The following SOX5 variants were observed in gnomAD, a reference collection of about 807,000 sequenced individuals.
SOX5 encodes transcription factor SOX-5.
SOX5 carries 9 observed loss-of-function variants against 92.0 expected under a neutral mutation model. The observed-to-expected ratio is 0.10, with a 90% CI of 0.06 to 0.17. The LOEUF (loss-of-function observed/expected upper bound fraction) is 0.17. Ranked by LOEUF, SOX5 falls within the 10% of genes least tolerant of loss-of-function variation. The pLI is 1.00. For synonymous variants in SOX5, 344 were observed against 336.3 expected, an observed-to-expected ratio of 1.02 and a Z score of -0.25; for missense variants, 642 against 944.5, an observed-to-expected ratio of 0.68 and a Z score of 4.20.
intron 14 of SOX5, 127 bp from the exon 15 acceptor site, chr12:23,534,649 C>T (rs1423167077): frequency 4.6e-6 from 3 of 650,800 alleles, no homozygotes; most frequent in South Asian, 2.1e-5. Flanking sequence ...AATTGCCTAA[C>T]ATTTTTCAAA....
intron 4 of SOX5, among the ~76,000 whole-genome samples, chr12:24,108,833 C>G (rs924672508): frequency 1.3e-5 from 2 of 152,134 alleles, no homozygotes; most frequent in African/African-American, 4.8e-5. Flanking sequence ...CATAAACCAT[C>G]AACTTATTGT....
intron 1 of SOX5, among the ~76,000 whole-genome samples, chr12:24,484,199 G>A (rs908537224): frequency 2.0e-5 from 3 of 152,110 alleles, no homozygotes; most frequent in African/African-American, 4.8e-5. Flanking sequence ...TTTCTCATAA[G>A]TCAATCCCTT....
rs529384677 is a variant in SOX5, at chr12:24,102,898, G to C, written c.-2+110445C>G. 3.3e-5 allele frequency among the ~76,000 whole-genome samples: 5 copies of C among 152,280 alleles called. No individual in the cohort carries two copies. In the South Asian group the frequency reaches 1.0e-3, roughly 32 times the overall value. The stretch of plus-strand genomic sequence containing the variant: ...TATTAACCTATGACAGAAGACTGTG[G>C]AGATAAGATTTCACTGACATACAGA... On this transcript the variant is annotated intron_variant, in intron 4 of 4. Coordinates refer to the SOX5 transcript ENST00000446891.
At chr12:24,559,281 G>A (rs1459881788) in intron 1 of SOX5, among the ~76,000 whole-genome samples, 2 of 152,148 alleles carry the variant, frequency 1.3e-5, no homozygotes, top group Non-Finnish European at 2.9e-5. Context: ...TCCAATTATA[G>A]CATTCTCTAC....
chr12:24,454,929 CTCT>C (rs1372507229), intron 1 of SOX5, among the ~76,000 whole-genome samples: 8 of 152,232 alleles, frequency 5.3e-5, no homozygotes, highest in South Asian at 2.1e-4. Flanking sequence ...CTTTCACTCT[CTCT>C]TCTTAGAAAA....
intron 10 of SOX5, among the ~76,000 whole-genome samples, chr12:23,574,011 T>C (rs1363727029): frequency 6.6e-6 from 1 of 151,600 alleles, no homozygotes; most frequent in Non-Finnish European, 1.5e-5. Context: ...TATATTATAA[T>C]ATTAATATCA....
chr12:24,402,802 C>T (rs571626939), intron 1 of SOX5, among the ~76,000 whole-genome samples: 2 of 152,302 alleles, frequency 1.3e-5, no homozygotes, highest in African/African-American at 4.8e-5. Context: ...AGGGTCCCTA[C>T]TAAAATACTG....
chr12:23,611,979 G>A (rs2076018457), intron 8 of SOX5, among the ~76,000 whole-genome samples: 1 of 150,892 alleles, frequency 6.6e-6, no homozygotes, highest in Admixed American at 6.6e-5. Context: ...CTTAAGTACT[G>A]TATGATAAAA....
At chr12:24,312,812 T>G (rs1949319051) in intron 2 of SOX5, among the ~76,000 whole-genome samples, 1 of 152,196 alleles carries the variant, frequency 6.6e-6, no homozygotes, top group African/African-American at 2.4e-5. Flanking sequence ...GACTTACAGG[T>G]CTGTCATTTT....
chr12:24,023,481 A>T (rs1954542276), intron 4 of SOX5, among the ~76,000 whole-genome samples: 1 of 152,136 alleles, frequency 6.6e-6, no homozygotes, highest in African/African-American at 2.4e-5. Context: ...CTGATTGGAG[A>T]AGGAAAATTT....
At chr12:24,102,943 G>A (rs78451190) in intron 4 of SOX5, among the ~76,000 whole-genome samples, 1,733 of 152,262 alleles carry the variant, frequency 0.011, 43 homozygotes, top group African/African-American at 0.039. Flanking sequence ...AAGAAAGGGC[G>A]TGAAAATTAC....
intron 4 of SOX5, among the ~76,000 whole-genome samples, chr12:24,112,310 GT>G: frequency 6.6e-6 from 1 of 152,206 alleles, no homozygotes; most frequent in African/African-American, 2.4e-5. Context: ...CATAGCCATG[GT>G]TATTCATTTA....
At chr12:23,802,063 T>C (rs1425784866) in intron 3 of SOX5, among the ~76,000 whole-genome samples, 4 of 152,112 alleles carry the variant, frequency 2.6e-5, no homozygotes, top group Admixed American at 6.5e-5. Flanking sequence ...AATTCTTTTC[T>C]TTTTCTTTCT....
intron 4 of SOX5, among the ~76,000 whole-genome samples, chr12:24,108,925 T>G (rs1312525865): frequency 3.9e-5 from 6 of 152,162 alleles, no homozygotes; most frequent in African/African-American, 1.4e-4. Context: ...TAGTCATCAT[T>G]AACATGATTT....
intron 2 of SOX5, among the ~76,000 whole-genome samples, chr12:24,322,043 C>T (rs1240770181): frequency 6.6e-6 from 1 of 152,144 alleles, no homozygotes. Flanking sequence ...ACACAATTTT[C>T]CTTCCTGCAA....
chr12:24,518,656 C>G (rs564594550), intron 1 of SOX5, among the ~76,000 whole-genome samples: 2 of 152,144 alleles, frequency 1.3e-5, no homozygotes, highest in East Asian at 3.9e-4. Flanking sequence ...ATTTATTCCC[C>G]TCTGTAAAAT....
chr12:24,012,426 A>G (rs550485592), intron 4 of SOX5, among the ~76,000 whole-genome samples: 2 of 152,308 alleles, frequency 1.3e-5, no homozygotes, highest in African/African-American at 4.8e-5. Flanking sequence ...ACTGTCTACA[A>G]TTTTCAATGA....
chr12:24,424,051 A>C (rs1220501216), intron 1 of SOX5, among the ~76,000 whole-genome samples: 1 of 152,214 alleles, frequency 6.6e-6, no homozygotes, highest in Non-Finnish European at 1.5e-5. Context: ...CATAAAACTC[A>C]AAGAATATAA....
At chr12:24,284,917 G>C (rs760804469) in intron 2 of SOX5, among the ~76,000 whole-genome samples, 1 of 152,210 alleles carries the variant, frequency 6.6e-6, no homozygotes, top group Non-Finnish European at 1.5e-5. Flanking sequence ...CTGAGGTCAG[G>C]AGTTCGAGAC....
Sources: allele counts gnomAD v4.1 joint callset (sites outside exome capture counted in the v4.1 genomes callset), GRCh38; gene constraint gnomAD v4.1.1; transcripts MANE v1.5; gene names NCBI Gene and HGNC (gene_info 2026-07-23, HGNC 2026-07-21).